TET2: variants seen among roughly 807,000 people sequenced by gnomAD.
TET2 encodes the protein tet methylcytosine dioxygenase 2.
A neutral mutation model predicts 142.9 loss-of-function variants in TET2; 299 were observed. The observed-to-expected ratio is 2.09, with a 90% CI of 1.90 to 2.30. TET2 has a LOEUF of 2.30. TET2 is among the 30% of genes most tolerant of loss of function. The pLI is 0.00. For missense variants in TET2, 2,418 were observed against 2,378.0 expected, an observed-to-expected ratio of 1.02 and a Z score of -0.35; for synonymous variants, 819 against 849.0, an observed-to-expected ratio of 0.96 and a Z score of 0.61.
intron 6 of TET2, among the ~76,000 whole-genome samples, chr4:105,245,567 T>C (rs938685355): frequency 1.3e-5 from 2 of 152,140 alleles, no homozygotes; most frequent in African/African-American, 2.4e-5. Context: ...TGACCTCGGG[T>C]GATCCGCCCG....
chr4:105,250,747 C>G (rs1214429838), intron 6 of TET2, among the ~76,000 whole-genome samples: 1 of 152,074 alleles, frequency 6.6e-6, no homozygotes, highest in East Asian at 1.9e-4. Flanking sequence ...GTCCAGAGTG[C>G]AGTGCTGCCA....
intron 1 of TET2, among the ~76,000 whole-genome samples, chr4:105,149,200 ATGT>A (rs913847266): frequency 2.6e-5 from 4 of 152,192 alleles, no homozygotes; most frequent in Non-Finnish European, 5.9e-5. Flanking sequence ...AACTTTTCAA[ATGT>A]TGTGGTATAT....
Position 105,233,826 on chromosome 4 carries a change from G to A in TET2, c.-46-71G>A, listed in dbSNP as rs532566780. The A allele has an allele frequency of 3.2e-4, 234 of 720,538 alleles. No individual in the cohort carries two copies. The African/African-American group carries it at 4.6e-3, about 14-fold the overall frequency. 44.6% of individuals were successfully genotyped at this position (720,538 alleles called of 1,614,324 possible). ...CACAATTATTCCTTAAGATATATTA[G>A]TATTTTTATAGATAGATAGATAGAT... On this transcript the variant is annotated intron_variant, in intron 2 of 10. Transcript: ENST00000380013.
intron 1 of TET2, among the ~76,000 whole-genome samples, chr4:105,169,814 C>T (rs1198993074): frequency 6.6e-6 from 1 of 152,120 alleles, no homozygotes; most frequent in Non-Finnish European, 1.5e-5. Context: ...CCAGCTATCC[C>T]AGCACCATTT....
At chr4:105,269,462 C>G in intron 8 of TET2, 148 bp from the exon 9 acceptor site, 4 of 790,768 alleles carry the variant, frequency 5.1e-6, no homozygotes, top group Non-Finnish European at 7.8e-6. Context: ...GATATTTGCT[C>G]TATTTTGTGT....
intron 1 of TET2, among the ~76,000 whole-genome samples, chr4:105,184,218 T>A (rs1012328617): frequency 2.6e-5 from 4 of 152,190 alleles, no homozygotes; most frequent in African/African-American, 4.8e-5. Flanking sequence ...TCTATTATTT[T>A]AAAAAATATT....
chr4:105,257,409 C>T (rs963572281), intron 6 of TET2, among the ~76,000 whole-genome samples: 2 of 152,126 alleles, frequency 1.3e-5, no homozygotes, highest in African/African-American at 4.8e-5. Flanking sequence ...TATTGTTTCT[C>T]ATAGATAGCC....
chr4:105,266,313 T>C (rs1161885222), intron 8 of TET2, among the ~76,000 whole-genome samples: 1 of 152,020 alleles, frequency 6.6e-6, no homozygotes, highest in African/African-American at 2.4e-5. Context: ...CCAAACTGAT[T>C]CTAAGTAATT....
At chr4:105,177,672 G>C (rs1724878807) in intron 1 of TET2, 1 of 152,248 alleles carries the variant, frequency 6.6e-6, no homozygotes, top group Admixed American at 6.5e-5. Flanking sequence ...TTCATTCATT[G>C]CTGGTAAGAA....
chr4:105,152,556 G>A (rs961271471), intron 1 of TET2, among the ~76,000 whole-genome samples: 12 of 147,186 alleles, frequency 8.2e-5, no homozygotes, highest in Non-Finnish European at 1.2e-4. Flanking sequence ...GAAAAAAAAA[G>A]TATAATCTAT....
chr4:105,229,668 G>C (rs528593919), intron 2 of TET2, among the ~76,000 whole-genome samples: 24 of 151,160 alleles, frequency 1.6e-4, no homozygotes, highest in African/African-American at 5.8e-4. Flanking sequence ...AAAAAAAAAG[G>C]AATAGTTAAA....
intron 8 of TET2, among the ~76,000 whole-genome samples, chr4:105,262,139 G>T (rs1412213651): frequency 6.6e-6 from 1 of 152,070 alleles, no homozygotes; most frequent in Non-Finnish European, 1.5e-5. Context: ...AGACTATGGA[G>T]ATTACATCAA....
chr4:105,234,330 GA>G lies in TET2; in HGVS notation c.391del (p.Arg131GlufsTer14). 1 of 1,614,102 alleles carries G rather than the reference GA, an allele frequency of 6.2e-7. No individual in the cohort carries two copies. The highest frequency in any genetic ancestry group is 8.5e-7 in the Non-Finnish European group (1 of 1,180,012). On this transcript the variant is annotated frameshift_variant, in exon 3 of 11. Coordinates refer to ENST00000380013, the MANE Select transcript of TET2 (RefSeq NM_001127208.3). LOFTEE classifies it high-confidence loss of function. ...AAGACGTAACTTCGGGGTAAGCCAA[GA>G]AAGAAATCCAGGTGAAAGCAGTCAA... The part of the protein sequence containing the change: ...GERRNFGVSQ[E>X]RNPGESSQPN...
Position 105,236,292 on chromosome 4 carries a change from T to G in TET2, c.2350T>G (p.Cys784Gly). Reference sequence around the variant, plus strand: ...CTTTGGCCAGACTAAAGTGGAAGAATGTTTTCATGGTGAAAATCAGTATTC... The same window carrying G: ...CTTTGGCCAGACTAAAGTGGAAGAAGGTTTTCATGGTGAAAATCAGTATTC... ...SFFGQTKVEE[C>G]FHGENQYSKS... The change falls in exon 3 of 11, where the codon TGT becomes GGT. Residue 784 changes from cysteine (C) to glycine (G), a missense_variant. By Grantham distance (159) the Cys-to-Gly change is radical (BLOSUM62 -3). Transcript: ENST00000380013. The G allele has an allele frequency of 6.2e-7, 1 of 1,614,110 alleles. No individual in the cohort carries two copies. Among genetic ancestry groups the G allele is most frequent in the Non-Finnish European group, 8.5e-7 (1 of 1,180,016 alleles).
chr4:105,209,010 A>G (rs1432024787), intron 2 of TET2, among the ~76,000 whole-genome samples: 1 of 137,874 alleles, frequency 7.3e-6, no homozygotes, highest in Non-Finnish European at 1.6e-5. Flanking sequence ...ATAAGATACA[A>G]TTTGCACATC....
chr4:105,217,789 C>G (rs1727583241), intron 2 of TET2, among the ~76,000 whole-genome samples: 1 of 152,002 alleles, frequency 6.6e-6, no homozygotes, highest in Non-Finnish European at 1.5e-5. Flanking sequence ...TGATAAGAAT[C>G]TGTTTCAATG....
intron 1 of TET2, among the ~76,000 whole-genome samples, chr4:105,167,370 G>A (rs576449882): frequency 6.6e-6 from 1 of 151,674 alleles, no homozygotes; most frequent in East Asian, 1.9e-4. Flanking sequence ...GCGTATATGT[G>A]TACACATATA....
chr4:105,191,577 A>C (rs1484484042), intron 2 of TET2, among the ~76,000 whole-genome samples: 2 of 152,160 alleles, frequency 1.3e-5, no homozygotes, highest in Admixed American at 1.3e-4. Flanking sequence ...TTGTTTATGC[A>C]TTCAGCATAA....
At chr4:105,201,661 T>C (rs996512797) in intron 2 of TET2, among the ~76,000 whole-genome samples, 3 of 151,690 alleles carry the variant, frequency 2.0e-5, no homozygotes, top group African/African-American at 7.3e-5. Context: ...GGTTACCAAG[T>C]TGAGGCTAGA....
Sources: allele counts gnomAD v4.1 joint callset (sites outside exome capture counted in the v4.1 genomes callset), GRCh38; gene constraint gnomAD v4.1.1; transcripts MANE v1.5; gene names NCBI Gene and HGNC (gene_info 2026-07-23, HGNC 2026-07-21).